Variants in SORCS2 observed in about 807,000 individuals in gnomAD.
SORCS2 encodes VPS10 domain-containing receptor SorCS2.
A neutral mutation model predicts 141.6 loss-of-function variants in SORCS2; 100 were observed. That is an observed-to-expected ratio of 0.71 (90% CI 0.60 to 0.83). The LOEUF is 0.83. Among genes scored for constraint, SORCS2 ranks in the 40% least tolerant of loss-of-function variants. The pLI is 0.00. For missense variants in SORCS2, 1,646 were observed against 1,560.2 expected (o/e 1.05, Z -0.93); for synonymous variants, 789 against 676.9 (o/e 1.17, Z -2.57).
At chr4:7,200,212 A>AG (rs1459743492) in intron 1 of SORCS2, among the ~76,000 whole-genome samples, 1 of 152,102 alleles carries the variant, frequency 6.6e-6, no homozygotes, top group African/African-American at 2.4e-5. Flanking sequence ...GGGCCGACTG[A>AG]GGGGTCCAGA....
chr4:7,548,596 G>C lies in SORCS2; in HGVS notation c.648+16967G>C, dbSNP rs1710719374. On this transcript the variant is annotated intron_variant, in intron 3 of 26. Transcript: ENST00000507866. ...CTTCAGTGACACACATGGGAGCTGG[G>C]CTTTGAACCCTGGGCATCTTGTGCC... Among the ~76,000 whole-genome samples, 3 of 152,270 alleles carry C rather than the reference G, an allele frequency of 2.0e-5. No homozygotes were observed. In the South Asian group the frequency reaches 6.2e-4, roughly 32 times the overall value.
At chr4:7,476,611 A>C (rs867488112) in intron 2 of SORCS2, among the ~76,000 whole-genome samples, 1 of 152,118 alleles carries the variant, frequency 6.6e-6, no homozygotes, top group Non-Finnish European at 1.5e-5. Context: ...TTTCCTGATG[A>C]AAAGCCAAGT....
rs775144005 is a variant in SORCS2 at position 7,725,188 on chromosome 4, T to C, written c.2646T>C (p.Pro882=). 1.2e-6 allele frequency: 2 copies of C among 1,613,524 alleles called. No homozygotes were observed. Among genetic ancestry groups the C allele is most frequent in the Non-Finnish European group, 8.5e-7 (1 of 1,179,602 alleles). ...AGGCCCTCTACCTGGAGGTGGTTCC[T>C]GTCATTGGCCTCAACCAGGAGGTGA... The part of the protein sequence containing the change: ...PLQALYLEVV[P]VIGLNQEVNL... Residue 882 remains proline (P), a synonymous_variant, in exon 20 of 27, where the codon CCT becomes CCC. Transcript: ENST00000507866.
intron 3 of SORCS2, among the ~76,000 whole-genome samples, chr4:7,585,744 G>T (rs1716495283): frequency 1.3e-5 from 2 of 152,142 alleles, no homozygotes; most frequent in Admixed American, 6.5e-5. Context: ...AGCTGGCTAG[G>T]GTACATCTCC....
intron 1 of SORCS2, among the ~76,000 whole-genome samples, chr4:7,362,835 C>T (rs1721663303): frequency 6.6e-6 from 1 of 151,388 alleles, no homozygotes; most frequent in East Asian, 1.9e-4. Context: ...ATCATTACTA[C>T]CATCATCATT....
intron 3 of SORCS2, among the ~76,000 whole-genome samples, chr4:7,572,292 C>CAT (rs200688786): frequency 1.2e-4 from 18 of 151,852 alleles, no homozygotes; most frequent in Middle Eastern, 3.2e-3. Flanking sequence ...TCTTTATTTA[C>CAT]ATATATATAT....
intron 1 of SORCS2, among the ~76,000 whole-genome samples, chr4:7,378,769 C>T (rs1471138929): frequency 6.6e-6 from 1 of 152,178 alleles, no homozygotes; most frequent in Non-Finnish European, 1.5e-5. Context: ...CCATCTCCAC[C>T]CTGCCCACCT....
intron 2 of SORCS2, among the ~76,000 whole-genome samples, chr4:7,479,304 A>C (rs907475595): frequency 1.3e-5 from 2 of 150,792 alleles, no homozygotes; most frequent in Non-Finnish European, 2.9e-5. Context: ...CCCTGGGCTG[A>C]GCCACATCAG....
intron 11 of SORCS2, among the ~76,000 whole-genome samples, chr4:7,695,808 G>A (rs567476502): frequency 8.0e-4 from 3 of 3,768 alleles, no homozygotes; most frequent in Non-Finnish European, 1.1e-3. Context: ...GGGTGGGTGG[G>A]TGGATGGATG....
chr4:7,313,843 T>A (rs1718363287), intron 1 of SORCS2, among the ~76,000 whole-genome samples: 1 of 152,146 alleles, frequency 6.6e-6, no homozygotes, highest in Non-Finnish European at 1.5e-5. Flanking sequence ...TGTGACTTGG[T>A]CCATCCTGTT....
At chr4:7,283,866 C>T (rs1716039383) in intron 1 of SORCS2, among the ~76,000 whole-genome samples, 1 of 152,102 alleles carries the variant, frequency 6.6e-6, no homozygotes, top group African/African-American at 2.4e-5. Context: ...TTGGCTTCTC[C>T]TGCCTGTGCT....
intron 1 of SORCS2, among the ~76,000 whole-genome samples, chr4:7,289,183 G>C (rs941892688): frequency 5.9e-5 from 9 of 152,126 alleles, no homozygotes; most frequent in Admixed American, 3.3e-4. Context: ...CCAGTAGTTG[G>C]GTGCTTTCAG....
At chr4:7,404,283 G>C (rs555344988) in intron 2 of SORCS2, among the ~76,000 whole-genome samples, 1 of 152,026 alleles carries the variant, frequency 6.6e-6, no homozygotes. Context: ...CTTTTCTATT[G>C]TGAATAGTGC....
chr4:7,209,530 C>G (rs867967769), intron 1 of SORCS2, among the ~76,000 whole-genome samples: 2 of 152,212 alleles, frequency 1.3e-5, no homozygotes, highest in African/African-American at 4.8e-5. Flanking sequence ...CTTCTGTGGC[C>G]GGCTCCATGG....
At chr4:7,560,985 A>T (rs1261999200) in intron 3 of SORCS2, among the ~76,000 whole-genome samples, 2 of 152,074 alleles carry the variant, frequency 1.3e-5, no homozygotes, top group Non-Finnish European at 2.9e-5. Flanking sequence ...TTGCCGCCAT[A>T]TTTGGGGACT....
intron 1 of SORCS2, among the ~76,000 whole-genome samples, chr4:7,227,343 G>A (rs1156743561): frequency 6.6e-6 from 1 of 152,204 alleles, no homozygotes; most frequent in Non-Finnish European, 1.5e-5. Flanking sequence ...CCCCTTTCCT[G>A]TGCTCTGGCT....
At chr4:7,404,398 T>C (rs537783387) in intron 2 of SORCS2, among the ~76,000 whole-genome samples, 3 of 152,280 alleles carry the variant, frequency 2.0e-5, no homozygotes, top group African/African-American at 7.2e-5. Flanking sequence ...TAATGGTCAT[T>C]CTATTTTTAG....
chr4:7,248,323 G>T (rs1713266995), intron 1 of SORCS2, among the ~76,000 whole-genome samples: 2 of 116,078 alleles, frequency 1.7e-5, no homozygotes, highest in African/African-American at 5.8e-5. Flanking sequence ...TTCTGCAGGT[G>T]TACAGGTCAC....
intron 1 of SORCS2, among the ~76,000 whole-genome samples, chr4:7,223,680 C>T (rs548834734): frequency 1.3e-4 from 20 of 152,228 alleles, no homozygotes; most frequent in African/African-American, 4.6e-4. Flanking sequence ...CAGCATGGCC[C>T]GTGTGTGCTT....
Sources: allele counts gnomAD v4.1 joint callset (sites outside exome capture counted in the v4.1 genomes callset), GRCh38; gene constraint gnomAD v4.1.1; transcripts MANE v1.5; gene names NCBI Gene and HGNC (gene_info 2026-07-23, HGNC 2026-07-21).